INO80: variants seen among roughly 807,000 people sequenced by gnomAD.
The protein encoded by INO80 is chromatin-remodeling ATPase INO80.
Under a neutral mutation model 203.4 loss-of-function variants are expected in INO80, and 20 were observed. That is an observed-to-expected ratio of 0.10 (90% CI 0.07 to 0.14). INO80 has a LOEUF of 0.14. INO80 is among the 10% of genes least tolerant of loss of function. INO80 has a pLI of 1.00. For missense variants in INO80, 1,419 were observed against 1,914.4 expected (o/e 0.74, Z 4.83); for synonymous variants, 726 against 685.2 (o/e 1.06, Z -0.93).
chr15:41,091,444 T>C (rs546789760), intron 5 of INO80, among the ~76,000 whole-genome samples: 24 of 152,186 alleles, frequency 1.6e-4, no homozygotes, highest in Non-Finnish European at 2.2e-4. Context: ...GCCATGTGGT[T>C]TGCTGCACCT....
rs1893728274 is a variant in INO80, at chr15:40,979,412, G to T, written c.*811C>A. 1 of 152,950 alleles carries T rather than the reference G, an allele frequency of 6.5e-6. No homozygotes were observed. Among genetic ancestry groups the T allele is most frequent in the African/African-American group, 2.4e-5 (1 of 41,434 alleles). The allele number at this position is 152,950 out of a possible 1,614,324, so 9.5% of individuals were successfully genotyped here. A position where few individuals can be genotyped will look rare whatever the true frequency, so the allele number is the denominator to read the frequency against. On this transcript the variant is annotated 3_prime_UTR_variant, in exon 36 of 36. Coordinates refer to ENST00000648947, the MANE Select transcript of INO80 (RefSeq NM_017553.3). ...ATAGACAGTGCATACAGCCAAGCAG[G>T]GGACTGAAGGGCATGAGCAGGGAGA...
intron 25 of INO80, among the ~76,000 whole-genome samples, chr15:41,022,725 T>C (rs1329613550): frequency 2.0e-5 from 3 of 152,216 alleles, no homozygotes; most frequent in African/African-American, 4.8e-5. Context: ...AAACTGGGCC[T>C]GGAGTTCCAA....
chr15:41,050,936 G>C (rs1421723742), intron 19 of INO80, among the ~76,000 whole-genome samples: 1 of 151,778 alleles, frequency 6.6e-6, no homozygotes, highest in Non-Finnish European at 1.5e-5. Context: ...TTCAAGACCA[G>C]CCTGGCCAAC....
At chr15:41,061,230 G>A (rs2045099246) in intron 14 of INO80, among the ~76,000 whole-genome samples, 1 of 152,030 alleles carries the variant, frequency 6.6e-6, no homozygotes, top group Non-Finnish European at 1.5e-5. Flanking sequence ...CTTGAGCCTG[G>A]GAGAGGTTGC....
chr15:41,088,874 T>A (rs570398682), intron 5 of INO80, among the ~76,000 whole-genome samples: 2 of 152,300 alleles, frequency 1.3e-5, no homozygotes, highest in African/African-American at 4.8e-5. Flanking sequence ...TTTATCTGAA[T>A]TTAAAAAACA....
At chr15:41,016,564 A>C (rs2044213935) in intron 26 of INO80, among the ~76,000 whole-genome samples, 1 of 152,202 alleles carries the variant, frequency 6.6e-6, no homozygotes, top group South Asian at 2.1e-4. Flanking sequence ...CTGTTAAGTG[A>C]CCTGAAAATT....
At chr15:41,078,386 G>A (rs922966111) in intron 9 of INO80, among the ~76,000 whole-genome samples, 4 of 152,138 alleles carry the variant, frequency 2.6e-5, no homozygotes, top group African/African-American at 9.7e-5. Context: ...CTAGAATATA[G>A]GCCAAGTTGC....
chr15:41,002,235 A>G (rs2043968539), intron 28 of INO80, among the ~76,000 whole-genome samples: 1 of 152,226 alleles, frequency 6.6e-6, no homozygotes, highest in African/African-American at 2.4e-5. Context: ...TGAAGGCTCA[A>G]GCAAGATTTC....
In INO80 at chr15:41,115,963, G is replaced by C; in HGVS notation, c.-44+10C>G. The C allele has an allele frequency of 2.6e-6, 1 of 385,382 alleles. No homozygotes were observed. The allele number at this position is 385,382 out of a possible 1,614,324, so 23.9% of individuals were successfully genotyped here. A position where few individuals can be genotyped will look rare whatever the true frequency, so the allele number is the denominator to read the frequency against. On this transcript the variant is annotated intron_variant, in intron 1 of 35. Transcript: ENST00000648947. ...CACTCCGTTCGCCCGCCCACGTCTA[G>C]TTGCCTCACCTCGGGCCGCCTGGCC...
At chr15:41,010,315 C>T (rs2044114983) in intron 27 of INO80, among the ~76,000 whole-genome samples, 2 of 152,046 alleles carry the variant, frequency 1.3e-5, no homozygotes, top group Admixed American at 1.3e-4. Context: ...TTTAATTTCT[C>T]TTTTAATTTT....
chr15:41,047,280 TAAC>T, intron 23 of INO80, 125 bp downstream of exon 23: 3 of 721,456 alleles, frequency 4.2e-6, no homozygotes, highest in Non-Finnish European at 6.9e-6. Context: ...ACTTTATTCT[TAAC>T]AAAAGAAAAT....
intron 27 of INO80, among the ~76,000 whole-genome samples, chr15:41,014,714 CT>C (rs2044178636): frequency 6.6e-6 from 1 of 152,138 alleles, no homozygotes; most frequent in Non-Finnish European, 1.5e-5. Flanking sequence ...ATTTATGTCT[CT>C]TGCTAAAAGA....
chr15:41,021,174 C>T, intron 25 of INO80, 49 bp from the exon 26 acceptor site: 1 of 1,307,768 alleles, frequency 7.6e-7, no homozygotes, highest in Non-Finnish European at 1.1e-6. Flanking sequence ...TGTCCATACA[C>T]ACTATGCCTT....
At chr15:41,058,608 C>T in intron 16 of INO80, 31 bp downstream of exon 16, 2 of 1,587,384 alleles carry the variant, frequency 1.3e-6, no homozygotes, top group Non-Finnish European at 1.7e-6. Context: ...TAACCCAATG[C>T]ATTGAGTTTG....
chr15:40,979,582 T>C lies in INO80; in HGVS notation c.*641A>G, dbSNP rs1445839682. ...ACGGTTGCTGGTAGGATCTGAAGGT[T>C]CTCTTGGTGTGAACCATGCAGGATG... On this transcript the variant is annotated 3_prime_UTR_variant, in exon 36 of 36. Coordinates refer to ENST00000648947, the MANE Select transcript of INO80 (RefSeq NM_017553.3). 1 of 153,536 alleles carries C rather than the reference T, an allele frequency of 6.5e-6. No individual in the cohort carries two copies. The highest frequency in any genetic ancestry group is 1.5e-5 in the Non-Finnish European group (1 of 68,846). The allele number at this position is 153,536 out of a possible 1,614,324, so 9.5% of individuals were successfully genotyped here.
chr15:41,073,600 T>A, intron 10 of INO80, 105 bp from the exon 11 acceptor site: 1 of 941,788 alleles, frequency 1.1e-6, no homozygotes, highest in Admixed American at 1.8e-5. Flanking sequence ...ATTCTACTTA[T>A]CCCTGGGTTC....
At chr15:41,044,052 G>T (rs1596286787) in intron 24 of INO80, among the ~76,000 whole-genome samples, 2 of 152,184 alleles carry the variant, frequency 1.3e-5, no homozygotes, top group South Asian at 4.1e-4. Context: ...CCATTCCCAG[G>T]TGTAGTGGAG....
At chr15:41,075,108 T>C (rs2045383327) in intron 9 of INO80, among the ~76,000 whole-genome samples, 1 of 152,204 alleles carries the variant, frequency 6.6e-6, no homozygotes, top group South Asian at 2.1e-4. Context: ...GAATCTTTTC[T>C]CTATTAGGCT....
chr15:41,090,393 T>C (rs59289835), intron 5 of INO80, among the ~76,000 whole-genome samples: 11,312 of 151,800 alleles, frequency 0.075, 1,229 homozygotes, highest in African/African-American at 0.24. Flanking sequence ...CTGGCCAACA[T>C]GGTGAAAACC....
Sources: gnomAD v4.1 joint callset for allele counts (sites outside exome capture counted in the v4.1 genomes callset) on GRCh38, gnomAD v4.1.1 for gene constraint, MANE v1.5 for transcripts, NCBI Gene and HGNC (gene_info 2026-07-23, HGNC 2026-07-21) for gene names.